The following RERG variants were observed in gnomAD, a reference collection of about 807,000 sequenced individuals.
RERG encodes ras-related and estrogen-regulated growth inhibitor.
In RERG, 25 loss-of-function variants were observed where a neutral mutation model predicts 23.2. The observed-to-expected ratio is 1.08, with a 90% CI of 0.79 to 1.50. The LOEUF (loss-of-function observed/expected upper bound fraction) is 1.50. RERG is among the 40% of genes most tolerant of loss of function. The pLI is 0.00. For synonymous variants in RERG, 81 were observed against 89.1 expected (o/e 0.91, Z 0.51); for missense variants, 253 against 250.1 (o/e 1.01, Z -0.08).
chr12:15,141,381 G>A (rs148930888), intron 2 of RERG, among the ~76,000 whole-genome samples: 323 of 152,100 alleles, frequency 2.1e-3, no homozygotes, highest in African/African-American at 6.9e-3. Flanking sequence ...AAAGCTCACT[G>A]ATTCCTTCCT....
chr12:15,210,335 A>C (rs1454833786), intron 2 of RERG, among the ~76,000 whole-genome samples: 1 of 152,262 alleles, frequency 6.6e-6, no homozygotes, highest in African/African-American at 2.4e-5. Flanking sequence ...TAAATTAGCC[A>C]TTAGTTTAAA....
intron 4 of RERG, among the ~76,000 whole-genome samples, 185 bp from the exon 5 acceptor site, chr12:15,109,702 A>T (rs566167177): frequency 6.6e-6 from 1 of 152,298 alleles, no homozygotes; most frequent in African/African-American, 2.4e-5. Context: ...ATCCATCTCA[A>T]CATATTTCAG....
At chr12:15,123,570 T>G (rs1370783312) in intron 2 of RERG, among the ~76,000 whole-genome samples, 1 of 139,052 alleles carries the variant, frequency 7.2e-6, no homozygotes, top group East Asian at 2.0e-4. Flanking sequence ...TTTATTAAAT[T>G]TAAATAATAA....
chr12:15,216,449 G>A (rs933537843), intron 2 of RERG, among the ~76,000 whole-genome samples: 32 of 152,182 alleles, frequency 2.1e-4, no homozygotes, highest in African/African-American at 6.5e-4. Flanking sequence ...AGAAAAGAAA[G>A]GTTGGTCACA....
At chr12:15,152,012 G>A (rs575104287) in intron 2 of RERG, 1 of 152,260 alleles carries the variant, frequency 6.6e-6, no homozygotes, top group African/African-American at 2.4e-5. Context: ...GATTAATAAA[G>A]GGCTCCTGAG....
chr12:15,132,423 A>C (rs11056363), intron 2 of RERG, among the ~76,000 whole-genome samples: 55,697 of 152,098 alleles, frequency 0.37, 10,822 homozygotes, highest in Admixed American at 0.44. Flanking sequence ...GATATACCAC[A>C]GTTTGCTTAC....
chr12:15,194,224 T>C (rs12366798), intron 2 of RERG, among the ~76,000 whole-genome samples: 24,993 of 152,060 alleles, frequency 0.16, 2,568 homozygotes, highest in African/African-American at 0.29. Context: ...CAGGCTGCGC[T>C]CTAAATAACA....
Position 15,217,530 on chromosome 12 carries a change from G to C in RERG, c.-41C>G, listed in dbSNP as rs370220597. 2.9e-6 allele frequency: 4 copies of C among 1,390,986 alleles called. No individual in the cohort carries two copies. Among genetic ancestry groups the C allele is most frequent in the African/African-American group, 1.4e-5 (1 of 70,460 alleles). 86.2% of individuals were successfully genotyped at this position (1,390,986 alleles called of 1,614,324 possible). On this transcript the variant is annotated 5_prime_UTR_variant, in exon 2 of 5. Transcript: ENST00000256953. ...ACAATTTACTGTTGTTAAAACTAAA[G>C]CACTGAGTAAATCTTTTTGGTTCCA...
intron 2 of RERG, among the ~76,000 whole-genome samples, chr12:15,122,788 G>GT (rs894900450): frequency 1.2e-3 from 169 of 140,756 alleles, no homozygotes; most frequent in East Asian, 2.7e-3. Flanking sequence ...CTACGTAGTT[G>GT]TTTTTTTTTT....
intron 3 of RERG, among the ~76,000 whole-genome samples, chr12:15,117,687 A>ATG (rs1863753074): frequency 6.6e-6 from 1 of 151,158 alleles, no homozygotes; most frequent in East Asian, 1.9e-4. Context: ...ACACACACAC[A>ATG]CACACACACA....
chr12:15,168,623 C>T (rs532370301), intron 2 of RERG, among the ~76,000 whole-genome samples: 7 of 152,234 alleles, frequency 4.6e-5, no homozygotes, highest in Middle Eastern at 3.4e-3. Flanking sequence ...GGACTGTGTC[C>T]GCAGGTTTCA....
At chr12:15,143,711 A>G (rs1864280705) in intron 2 of RERG, among the ~76,000 whole-genome samples, 1 of 152,166 alleles carries the variant, frequency 6.6e-6, no homozygotes, top group South Asian at 2.1e-4. Flanking sequence ...AACAGATACT[A>G]AAACAAAAAC....
intron 2 of RERG, among the ~76,000 whole-genome samples, chr12:15,159,780 T>C (rs1864577924): frequency 1.3e-5 from 2 of 152,106 alleles, no homozygotes; most frequent in African/African-American, 4.8e-5. Flanking sequence ...GCCGAGATTG[T>C]GCCACTGCAC....
intron 3 of RERG, among the ~76,000 whole-genome samples, chr12:15,111,632 T>C (rs1351478061): frequency 6.6e-6 from 1 of 152,070 alleles, no homozygotes; most frequent in Non-Finnish European, 1.5e-5. Flanking sequence ...GTCACCGACT[T>C]TCAGAATGTA....
At chr12:15,148,977 T>G (rs1028206407) in intron 2 of RERG, among the ~76,000 whole-genome samples, 1 of 147,212 alleles carries the variant, frequency 6.8e-6, no homozygotes, top group African/African-American at 2.5e-5. Context: ...CATGCCATTC[T>G]CCTGCCTCAG....
intron 2 of RERG, among the ~76,000 whole-genome samples, chr12:15,142,232 C>T (rs979117608): frequency 6.6e-6 from 1 of 152,134 alleles, no homozygotes; most frequent in African/African-American, 2.4e-5. Flanking sequence ...TTACCTTATT[C>T]AAATTAGAAG....
chr12:15,157,472 A>C (rs1864539132), intron 2 of RERG, among the ~76,000 whole-genome samples: 1 of 152,240 alleles, frequency 6.6e-6, no homozygotes, highest in Admixed American at 6.5e-5. Context: ...ATTTATGGCC[A>C]TTCTTGGGAA....
At chr12:15,212,042 C>CTTTTTTTTTTTTTTTTTTTTTTTT (rs772353150) in intron 2 of RERG, among the ~76,000 whole-genome samples, 1 of 64,716 alleles carries the variant, frequency 1.5e-5, no homozygotes, top group Non-Finnish European at 3.1e-5. Context: ...CACGAATAAA[C>CTTTTTTTTTTTTTTTTTTTTTTTT]TTTTTTTTTT....
rs1457822100 is a variant in RERG at position 15,218,719 on chromosome 12, A to T, written c.-114-1116T>A. Among the ~76,000 whole-genome samples, 5 of 152,050 alleles carry T rather than the reference A, an allele frequency of 3.3e-5. No individual in the cohort carries two copies. The East Asian group carries it at 9.6e-4, about 29-fold the overall frequency. On this transcript the variant is annotated intron_variant, in intron 1 of 4. Coordinates refer to ENST00000256953, the MANE Select transcript of RERG (RefSeq NM_032918.3). ...GAACCGTTCAAGGATCCTAGCATCT[A>T]GTAGGACCCTTTGCTCCATCCTAGG...
Sources: allele counts gnomAD v4.1 joint callset (sites outside exome capture counted in the v4.1 genomes callset), GRCh38; gene constraint gnomAD v4.1.1; transcripts MANE v1.5; gene names NCBI Gene and HGNC (gene_info 2026-07-23, HGNC 2026-07-21).